The following HPCAL1 variants were observed in gnomAD, a reference collection of about 807,000 sequenced individuals.
The protein encoded by HPCAL1 is hippocalcin like 1.
In HPCAL1, 8 loss-of-function variants were observed where a neutral mutation model predicts 17.1. The observed-to-expected ratio is 0.47, with a 90% CI of 0.27 to 0.84. HPCAL1 has a LOEUF of 0.84. Among genes scored for constraint, HPCAL1 ranks in the 40% least tolerant of loss-of-function variants. The probability of loss-of-function intolerance (pLI) is 0.13; values close to 1 mark genes in which losing one functional copy is unlikely to be tolerated. For synonymous variants in HPCAL1, 112 were observed against 111.4 expected, an observed-to-expected ratio of 1.01 and a Z score of -0.03; for missense variants, 165 against 271.1, an observed-to-expected ratio of 0.61 and a Z score of 2.75.
intron 1 of HPCAL1, among the ~76,000 whole-genome samples, chr2:10,357,843 A>T (rs1666262787): frequency 6.6e-6 from 1 of 151,856 alleles, no homozygotes; most frequent in African/African-American, 2.4e-5. Flanking sequence ...CAGGAAAAAA[A>T]AAAAAGCGTG....
In HPCAL1 at chr2:10,343,890, A is replaced by C. The variant is rs1665244896; in HGVS notation, c.-111+40713A>C. On this transcript the variant is annotated intron_variant, in intron 1 of 4. Coordinates refer to ENST00000307845, the MANE Select transcript of HPCAL1 (RefSeq NM_002149.4). This position sits in a 1 kb window ranked among gnomAD's most constrained non-coding sequence, Gnocchi z 4.8. ...CATGGCCCATGGCTGTGCGCTTCCC[A>C]AGCAAGCAGTTCTGGAGTGAGGCTT... is the stretch of plus-strand genomic sequence containing the variant. 6.6e-6 allele frequency among the ~76,000 whole-genome samples: 1 copy of C among 152,158 alleles called. No homozygotes were observed. Among genetic ancestry groups the C allele is most frequent in the African/African-American group, 2.4e-5 (1 of 41,446 alleles).
Position 10,367,977 on chromosome 2 carries a change from T to C in HPCAL1, c.-110-28858T>C, listed in dbSNP as rs115178921. 3.3e-3 allele frequency among the ~76,000 whole-genome samples: 496 copies of C among 151,512 alleles called. 8 individuals carry two copies. The highest frequency in any genetic ancestry group is 0.012 in the African/African-American group (476 of 41,274). ...GTATATAGGTGTGTGCATGTGTGTA[T>C]ATACCTGTGTAGGTGTGTATGTGTG... is the stretch of plus-strand genomic sequence containing the variant. On this transcript the variant is annotated intron_variant, in intron 1 of 4. Coordinates refer to ENST00000307845, the MANE Select transcript of HPCAL1 (RefSeq NM_002149.4). The surrounding 1 kb of genome is among the most constrained non-coding windows in gnomAD (Gnocchi z 4.4).
chr2:10,370,093 C>T (rs1020000027), intron 1 of HPCAL1, among the ~76,000 whole-genome samples: 6 of 152,218 alleles, frequency 3.9e-5, no homozygotes, highest in South Asian at 2.1e-4. Context: ...GTGGAGTCTC[C>T]GCATTCCTTT....
At chr2:10,339,080 G>A (rs1026708859) in intron 1 of HPCAL1, among the ~76,000 whole-genome samples, 1 of 152,114 alleles carries the variant, frequency 6.6e-6, no homozygotes, top group East Asian at 1.9e-4. Context: ...CACATGCCAG[G>A]ACTTGTTTGC....
At chr2:10,413,202 C>A (rs1430086430) in intron 2 of HPCAL1, among the ~76,000 whole-genome samples, 1 of 152,186 alleles carries the variant, frequency 6.6e-6, no homozygotes, top group Non-Finnish European at 1.5e-5. Flanking sequence ...ATCCTGTGGA[C>A]CCCCAAAGCC....
At chr2:10,398,989 A>G (rs2125581079) in intron 2 of HPCAL1, among the ~76,000 whole-genome samples, 1 of 152,050 alleles carries the variant, frequency 6.6e-6, no homozygotes, top group African/African-American at 2.4e-5. Context: ...TGTTACCTGG[A>G]TGTCACCTGC....
rs759799178 is a variant in HPCAL1 at position 10,423,024 on chromosome 2, G to A, written c.420G>A (p.Glu140=). 6.2e-7 allele frequency: 1 copy of A among 1,613,638 alleles called. No homozygotes were observed. Among genetic ancestry groups the A allele is most frequent in the South Asian group, 1.1e-5 (1 of 91,090 alleles). The change falls in exon 4 of 5, where the codon GAG becomes GAA. Residue 140 remains glutamate, a synonymous_variant. Transcript: ENST00000307845. ...TGTCGTCTGTGATGAAGATGCCGGA[G>A]GATGAGTCCACCCCGGAGAAGCGCA... The part of the protein sequence containing the change: ...KMVSSVMKMP[E]DESTPEKRTD...
At chr2:10,348,096 G>A (rs1392767990) in intron 1 of HPCAL1, among the ~76,000 whole-genome samples, 3 of 152,170 alleles carry the variant, frequency 2.0e-5, no homozygotes, top group East Asian at 1.9e-4. Flanking sequence ...TCAGTGAGAC[G>A]GACCTCTTAA....
intron 1 of HPCAL1, among the ~76,000 whole-genome samples, chr2:10,325,252 C>A (rs892817761): frequency 6.6e-6 from 1 of 152,164 alleles, no homozygotes; most frequent in Non-Finnish European, 1.5e-5. Flanking sequence ...GCAGCCTTGG[C>A]CCCCTGGGCT....
intron 1 of HPCAL1, among the ~76,000 whole-genome samples, chr2:10,322,168 A>G (rs1663707830): frequency 6.6e-6 from 1 of 152,154 alleles, no homozygotes; most frequent in Admixed American, 6.6e-5. Context: ...GACTACAGGC[A>G]TACCCCATCA....
intron 2 of HPCAL1, among the ~76,000 whole-genome samples, chr2:10,397,428 G>A (rs533770146): frequency 6.6e-6 from 1 of 152,078 alleles, no homozygotes; most frequent in South Asian, 2.1e-4. Flanking sequence ...TGTCTGCGCT[G>A]GGAGCTGGGC....
intron 1 of HPCAL1, among the ~76,000 whole-genome samples, chr2:10,347,010 G>C (rs1054047776): frequency 7.6e-6 from 1 of 131,928 alleles, no homozygotes; most frequent in African/African-American, 2.9e-5. Context: ...GCAGAGTGGT[G>C]CGAACTGTTT....
chr2:10,403,982 C>A (rs1011424872), intron 2 of HPCAL1, among the ~76,000 whole-genome samples: 23 of 152,142 alleles, frequency 1.5e-4, no homozygotes, highest in African/African-American at 5.3e-4. Context: ...CCTCCCCATA[C>A]CCTGCATTTG....
At chr2:10,352,743 C>G (rs1376656254) in intron 1 of HPCAL1, among the ~76,000 whole-genome samples, 1 of 152,176 alleles carries the variant, frequency 6.6e-6, no homozygotes, top group African/African-American at 2.4e-5. Context: ...GGGCCTGGTG[C>G]CCCCCATCAG....
chr2:10,320,520 C>G (rs1054871473), intron 1 of HPCAL1, among the ~76,000 whole-genome samples: 33 of 152,186 alleles, frequency 2.2e-4, no homozygotes, highest in African/African-American at 8.0e-4. Context: ...CCCAGCCATG[C>G]TTCCTGTGCA....
intron 3 of HPCAL1, among the ~76,000 whole-genome samples, chr2:10,421,922 G>A (rs1030178355): frequency 2.9e-4 from 44 of 152,148 alleles, no homozygotes; most frequent in African/African-American, 1.0e-3. Context: ...TGGTACTGTC[G>A]TCACTTTCTG....
At chr2:10,313,004 G>A (rs1663088232) in intron 1 of HPCAL1, among the ~76,000 whole-genome samples, 1 of 152,192 alleles carries the variant, frequency 6.6e-6, no homozygotes, top group African/African-American at 2.4e-5. Flanking sequence ...CATTCCTGGT[G>A]AGTTAGCTGT....
At chr2:10,307,550 G>A (rs910539474) in intron 1 of HPCAL1, among the ~76,000 whole-genome samples, 2 of 152,194 alleles carry the variant, frequency 1.3e-5, no homozygotes, top group African/African-American at 2.4e-5. Flanking sequence ...AAACAGAGCC[G>A]AGGACACATC....
intron 1 of HPCAL1, among the ~76,000 whole-genome samples, chr2:10,318,441 CG>C (rs773901805): frequency 5.0e-4 from 76 of 152,304 alleles, no homozygotes; most frequent in Non-Finnish European, 1.0e-3. Context: ...GTCCCGGTGC[CG>C]GACAGCCTGT....
Sources: gnomAD v4.1 joint callset for allele counts (sites outside exome capture counted in the v4.1 genomes callset) on GRCh38, gnomAD v4.1.1 for gene constraint, Gnocchi (gnomAD v3.1) non-coding constraint, MANE v1.5 for transcripts, NCBI Gene and HGNC (gene_info 2026-07-23, HGNC 2026-07-21) for gene names.